Variants in CDH2 observed in about 807,000 individuals in gnomAD.
The protein encoded by CDH2 is cadherin-2.
CDH2 carries 17 observed loss-of-function variants against 92.0 expected under a neutral mutation model. The ratio of observed to expected loss-of-function variants is 0.18; its 90% CI spans 0.13 to 0.28. The LOEUF (loss-of-function observed/expected upper bound fraction) is 0.28. CDH2 is among the 10% of genes least tolerant of loss of function. The probability of loss-of-function intolerance (pLI) is 1.00; values close to 1 mark genes in which losing one functional copy is unlikely to be tolerated. For missense variants in CDH2, 862 were observed against 1,133.1 expected (o/e 0.76, Z 3.44); for synonymous variants, 419 against 415.9 (o/e 1.01, Z -0.09).
At chr18:28,063,528 C>T (rs575593574) in intron 2 of CDH2, among the ~76,000 whole-genome samples, 49 of 152,226 alleles carry the variant, frequency 3.2e-4, no homozygotes, top group Non-Finnish European at 6.2e-4. Flanking sequence ...TTCAGCCCAT[C>T]TCTGTCAGCC....
At chr18:27,973,396 G>T (rs1319583533) in intron 14 of CDH2, among the ~76,000 whole-genome samples, 1 of 152,142 alleles carries the variant, frequency 6.6e-6, no homozygotes, top group Non-Finnish European at 1.5e-5. Flanking sequence ...TCCTGATCTA[G>T]AAGACTTTAG....
chr18:28,113,441 GA>G (rs1365503366), intron 2 of CDH2, among the ~76,000 whole-genome samples: 2 of 145,572 alleles, frequency 1.4e-5, no homozygotes, highest in Non-Finnish European at 3.0e-5. Context: ...CTGGAATGCA[GA>G]AGTGTCAATA....
chr18:27,980,104 A>T (rs1279236441), intron 14 of CDH2, among the ~76,000 whole-genome samples: 1 of 152,206 alleles, frequency 6.6e-6, no homozygotes. Context: ...TCCCTGAAGG[A>T]AGAGTGAGAG....
At position 28,156,660 on chromosome 18, in the gene CDH2, G is replaced by GCATGTCACCTTCCCAGGTA. The variant is rs2016222155; in HGVS notation, c.61-8877_61-8876insTACCTGGGAAGGTGACATG. ...GGTGCAGCATGTCACCTTCCCAGGT[G>GCATGTCACCTTCCCAGGTA]CAGAATGTCACCTTCCCAGGTACAG... On this transcript the variant is annotated intron_variant, in intron 1 of 15. Transcript: ENST00000269141. Among the ~76,000 whole-genome samples, 6 of 8,468 alleles carry GCATGTCACCTTCCCAGGTA rather than the reference G, an allele frequency of 7.1e-4. 1 individual carries two copies. Among genetic ancestry groups the GCATGTCACCTTCCCAGGTA allele is most frequent in the Admixed American group, 2.3e-3 (2 of 888 alleles). The allele number at this position is 8,468 out of a possible 152,430, so 5.6% of individuals were successfully genotyped here. A position where few individuals can be genotyped will look rare whatever the true frequency, so the allele number is the denominator to read the frequency against.
intron 6 of CDH2, 59 bp downstream of exon 6, chr18:28,005,790 A>C (rs1567960408): frequency 8.2e-6 from 10 of 1,221,716 alleles, no homozygotes; most frequent in Non-Finnish European, 1.1e-5. Context: ...CTCATATAAC[A>C]GGGCTGGTTA....
At chr18:28,146,036 T>G (rs1210070056) in intron 2 of CDH2, among the ~76,000 whole-genome samples, 2 of 152,084 alleles carry the variant, frequency 1.3e-5, no homozygotes, top group East Asian at 3.8e-4. Context: ...TATGTCCAAT[T>G]TCTCCTGTCA....
intron 6 of CDH2, among the ~76,000 whole-genome samples, chr18:27,934,592 T>C (rs561335079): frequency 6.6e-6 from 1 of 152,338 alleles, no homozygotes; most frequent in Admixed American, 6.5e-5. Flanking sequence ...ATTTATTAGA[T>C]AAAACATCAT....
intron 5 of CDH2, among the ~76,000 whole-genome samples, chr18:28,007,066 A>T (rs1599028401): frequency 6.7e-6 from 1 of 150,146 alleles, no homozygotes; most frequent in East Asian, 2.0e-4. Context: ...AGGCTGAGGC[A>T]GGAGAATTGC....
chr18:27,938,076 T>C (rs1909059012), intron 6 of CDH2, among the ~76,000 whole-genome samples: 1 of 152,088 alleles, frequency 6.6e-6, no homozygotes. Context: ...TAGTGAGTTC[T>C]TGTGAGATCT....
At chr18:28,175,609 C>T (rs114649480) in intron 1 of CDH2, among the ~76,000 whole-genome samples, 5,444 of 152,222 alleles carry the variant, frequency 0.036, 330 homozygotes, top group African/African-American at 0.12. Flanking sequence ...CCCCTGCCCC[C>T]GCCCCAGCAG....
intron 1 of CDH2, among the ~76,000 whole-genome samples, chr18:28,164,651 AACACACACACACAG>A (rs1225861087): frequency 7.6e-6 from 1 of 132,366 alleles, no homozygotes; most frequent in Non-Finnish European, 1.5e-5. Flanking sequence ...CTAGTCTCAA[AACACACACACACAG>A]ACACACACAC....
chr18:27,988,249 T>C (rs1395451480), intron 11 of CDH2, among the ~76,000 whole-genome samples: 3 of 152,126 alleles, frequency 2.0e-5, no homozygotes, highest in Non-Finnish European at 4.4e-5. Flanking sequence ...CTAGGGCCAC[T>C]GAGGATGGAC....
chr18:28,053,973 A>G (rs2014243502), intron 2 of CDH2, among the ~76,000 whole-genome samples: 1 of 152,026 alleles, frequency 6.6e-6, no homozygotes. Context: ...TAGGTTTCTG[A>G]ATCCAGGGTT....
intron 1 of CDH2, among the ~76,000 whole-genome samples, chr18:28,172,383 G>A (rs1357756628): frequency 6.6e-6 from 1 of 151,952 alleles, no homozygotes; most frequent in African/African-American, 2.4e-5. Context: ...ACATTAATAT[G>A]TATATACCTC....
chr18:27,994,312 A>C (rs1437250264), intron 7 of CDH2, among the ~76,000 whole-genome samples: 1 of 152,226 alleles, frequency 6.6e-6, no homozygotes, highest in East Asian at 1.9e-4. Flanking sequence ...TATAACACTC[A>C]TTGTGTCCAC....
intron 2 of CDH2, among the ~76,000 whole-genome samples, chr18:28,065,770 A>C (rs574304629): frequency 5.3e-5 from 8 of 152,172 alleles, no homozygotes; most frequent in Admixed American, 2.0e-4. Flanking sequence ...GGAGAACATA[A>C]CCAATGATAT....
chr18:28,027,789 T>G (rs1186731241), intron 2 of CDH2, among the ~76,000 whole-genome samples: 2 of 152,004 alleles, frequency 1.3e-5, no homozygotes, highest in Admixed American at 6.6e-5. Flanking sequence ...ACTCTTTCTT[T>G]TGACAGAATC....
At chr18:28,016,604 A>T (rs1487138527) in intron 2 of CDH2, among the ~76,000 whole-genome samples, 1 of 152,128 alleles carries the variant, frequency 6.6e-6, no homozygotes, top group Admixed American at 6.6e-5. Flanking sequence ...GGTGGGAATC[A>T]TTGTTTCTGT....
intron 1 of CDH2, among the ~76,000 whole-genome samples, chr18:28,158,017 T>C (rs2016248412): frequency 6.6e-6 from 1 of 152,192 alleles, no homozygotes; most frequent in African/African-American, 2.4e-5. Flanking sequence ...GAGTCCCCTG[T>C]ATTCATGTAC....
Sources: allele counts gnomAD v4.1 joint callset (sites outside exome capture counted in the v4.1 genomes callset), GRCh38; gene constraint gnomAD v4.1.1; transcripts MANE v1.5; gene names NCBI Gene and HGNC (gene_info 2026-07-23, HGNC 2026-07-21).